CENATAC: variants seen among roughly 807,000 people sequenced by gnomAD.
CENATAC encodes the protein coiled-coil domain containing 84.
Under a neutral mutation model 53.7 loss-of-function variants are expected in CENATAC, and 53 were observed. The ratio of observed to expected loss-of-function variants is 0.99; its 90% CI spans 0.79 to 1.24. CENATAC has a LOEUF of 1.24. Among genes scored for constraint, CENATAC ranks in the 50% most tolerant of loss-of-function variants. The pLI is 0.00. For missense variants in CENATAC, 474 were observed against 417.8 expected (o/e 1.13, Z -1.17); for synonymous variants, 156 against 144.6 (o/e 1.08, Z -0.57).
chr11:119,011,242 G>A lies in CENATAC; in HGVS notation c.472G>A (p.Val158Met), dbSNP rs782128788. 29 of 1,614,028 alleles carry A rather than the reference G, an allele frequency of 1.8e-5. No individual in the cohort carries two copies. The highest frequency in any genetic ancestry group is 2.2e-5 in the Non-Finnish European group (26 of 1,179,998). The change falls in exon 5 of 11, where the codon GTG becomes ATG. Residue 158 changes from valine to methionine, a missense_variant. Val to Met is a conservative substitution (Grantham distance 21, BLOSUM62 1). Coordinates refer to ENST00000334418, the MANE Select transcript of CENATAC (RefSeq NM_198489.3). ...ACAGATGGCAGCTCAGATCCGTGAG[G>A]TGGAGCAGAGCCGACAGGAGGTGGT... Reference protein sequence around the residue: ...IKEMAAQIREVEQSRQEVVRS... With the variant: ...IKEMAAQIREMEQSRQEVVRS...
intron 2 of CENATAC, 119 bp from the exon 3 acceptor site, chr11:118,998,892 C>T: frequency 1.3e-6 from 1 of 768,216 alleles, no homozygotes; most frequent in South Asian, 1.7e-5. Context: ...CAGTGTTCCT[C>T]TCTCAGCCGT....
chr11:119,012,299 G>C (rs1942906181), intron 7 of CENATAC, 45 bp downstream of exon 7: 1 of 1,601,888 alleles, frequency 6.2e-7, no homozygotes, highest in Non-Finnish European at 8.5e-7. Flanking sequence ...GGTCCCTCAG[G>C]TCTCAGGACC....
intron 7 of CENATAC, 88 bp downstream of exon 7, chr11:119,012,342 C>G: frequency 7.0e-7 from 1 of 1,418,462 alleles, no homozygotes; most frequent in African/African-American, 1.4e-5. Flanking sequence ...ATTCAAGCCA[C>G]TGCTGCCTCC....
At position 118,998,949 on chromosome 11, in the gene CENATAC, C is replaced by T. The variant is rs1162821801; in HGVS notation, c.285-62C>T. ...GTCAGTTTGCATTACAAACCTAATG[C>T]TTAATATCTGAGTAATATTTTATAA... On this transcript the variant is annotated intron_variant, in intron 2 of 10. Coordinates refer to ENST00000334418, the MANE Select transcript of CENATAC (RefSeq NM_198489.3). The T allele has an allele frequency of 7.6e-6, 10 of 1,309,674 alleles. No homozygotes were observed. In the South Asian group the frequency reaches 8.4e-5, roughly 11 times the overall value. 81.1% of individuals were successfully genotyped at this position (1,309,674 alleles called of 1,614,324 possible).
intron 10 of CENATAC, 44 bp from the exon 11 acceptor site, chr11:119,015,494 G>T: frequency 6.2e-7 from 1 of 1,613,916 alleles, no homozygotes. Context: ...CCTTTTTGGA[G>T]ATGTCACCCT....
Position 119,015,538 on chromosome 11 carries a change from A to G in CENATAC, c.939A>G (p.Arg313=). 1 of 1,614,126 alleles carries G rather than the reference A, an allele frequency of 6.2e-7. No homozygotes were observed. The highest frequency in any genetic ancestry group is 8.5e-7 in the Non-Finnish European group (1 of 1,180,018). ...VWNNGRRWQS[R]HQFKTEAAAM... ...GTGTTAACCCTTTATTTCCTTTCAG[A>G]CATCAATTCAAAACTGAAGCTGCAG... Residue 313 remains arginine, a splice_region_variant and synonymous_variant, in exon 11 of 11, where the codon AGA becomes AGG. Transcript: ENST00000334418.
At chr11:119,012,392 G>C in intron 7 of CENATAC, 138 bp downstream of exon 7, 1 of 919,862 alleles carries the variant, frequency 1.1e-6, no homozygotes, top group Non-Finnish European at 1.6e-6. Context: ...TTCCCTAGTA[G>C]TGTTCTCAGA....
In CENATAC at chr11:118,998,944, T is replaced by C. The variant is rs1942151463; in HGVS notation, c.285-67T>C. On this transcript the variant is annotated intron_variant, in intron 2 of 10. Coordinates refer to ENST00000334418, the MANE Select transcript of CENATAC (RefSeq NM_198489.3). Reference sequence around the variant, plus strand: ...CAGATGTCAGTTTGCATTACAAACCTAATGCTTAATATCTGAGTAATATTT... The same window carrying C: ...CAGATGTCAGTTTGCATTACAAACCCAATGCTTAATATCTGAGTAATATTT... 3 of 1,267,516 alleles carry C rather than the reference T, an allele frequency of 2.4e-6. No individual in the cohort carries two copies. In the African/African-American group the frequency reaches 4.4e-5, roughly 19 times the overall value. 78.5% of individuals were successfully genotyped at this position (1,267,516 alleles called of 1,614,324 possible). A position where few individuals can be genotyped will look rare whatever the true frequency, so the allele number is the denominator to read the frequency against.
At chr11:119,003,494 C>A in intron 3 of CENATAC, 1 of 416,512 alleles carries the variant, frequency 2.4e-6, no homozygotes, top group South Asian at 2.0e-5. Flanking sequence ...GATAGGGTGT[C>A]ACCATGTTGG....
chr11:119,012,556 A>G (rs781994139), intron 7 of CENATAC: 11 of 269,024 alleles, frequency 4.1e-5, no homozygotes, highest in East Asian at 1.5e-4. Context: ...CACCACTCCT[A>G]TATTTCCAAT....
intron 3 of CENATAC, among the ~76,000 whole-genome samples, chr11:119,008,680 T>C (rs1942725731): frequency 6.6e-6 from 1 of 152,092 alleles, no homozygotes; most frequent in Non-Finnish European, 1.5e-5. Flanking sequence ...CACAGACCCT[T>C]TACAGGTGTC....
intron 8 of CENATAC, 46 bp from the exon 9 acceptor site, chr11:119,014,948 C>T (rs371810810): frequency 4.0e-6 from 5 of 1,263,792 alleles, no homozygotes; most frequent in Non-Finnish European, 5.5e-6. Flanking sequence ...TTCACAATAG[C>T]CTGAAGACTT....
intron 8 of CENATAC, among the ~76,000 whole-genome samples, chr11:119,013,834 A>G (rs1293603683): frequency 6.6e-6 from 1 of 151,976 alleles, no homozygotes; most frequent in African/African-American, 2.4e-5. Flanking sequence ...TATCCAGAAT[A>G]TATGAAGAAC....
rs564551696 is a variant in CENATAC at position 119,006,075 on chromosome 11, A to ATTTTTT, written c.384-4664_384-4659dup. ...TGCCTTGGCCTTCAGAGTAGGCAGG[A>ATTTTTT]TTTTTTTTTTTTTTTTTTTTTTTTT... On this transcript the variant is annotated intron_variant, in intron 3 of 10. Coordinates refer to ENST00000334418, the MANE Select transcript of CENATAC (RefSeq NM_198489.3). The ATTTTTT allele has an allele frequency of 2.1e-3, 122 of 58,502 alleles. 16 individuals carry two copies. Among genetic ancestry groups the ATTTTTT allele is most frequent in the African/African-American group, 8.0e-3 (107 of 13,448 alleles). 3.6% of individuals were successfully genotyped at this position (58,502 alleles called of 1,614,324 possible). A position where few individuals can be genotyped will look rare whatever the true frequency, so the allele number is the denominator to read the frequency against.
At chr11:119,000,256 G>C (rs1942224566) in intron 3 of CENATAC, among the ~76,000 whole-genome samples, 1 of 152,124 alleles carries the variant, frequency 6.6e-6, no homozygotes, top group Non-Finnish European at 1.5e-5. Context: ...GCTTTAAGTT[G>C]TCATGTAATG....
At chr11:119,005,232 C>T (rs1433162100) in intron 3 of CENATAC, among the ~76,000 whole-genome samples, 1 of 152,072 alleles carries the variant, frequency 6.6e-6, no homozygotes, top group East Asian at 1.9e-4. Flanking sequence ...TTTGGGAGGC[C>T]AAGGCCAGCA....
At position 119,014,958 on chromosome 11, in the gene CENATAC, T is replaced by TTA. The variant is rs782695932; in HGVS notation, c.716-36_716-35insTA. ...CATGTTTCACAATAGCCTGAAGACTTAAAAAAAAAAAAAAAAGCCTTAATT... is the reference window on the plus strand; with the variant it reads ...CATGTTTCACAATAGCCTGAAGACTTTAAAAAAAAAAAAAAAAAGCCTTAATT... On this transcript the variant is annotated intron_variant, in intron 8 of 10. Coordinates refer to ENST00000334418, the MANE Select transcript of CENATAC (RefSeq NM_198489.3). 18 of 1,170,342 alleles carry TTA rather than the reference T, an allele frequency of 1.5e-5. No homozygotes were observed. The African/African-American group carries it at 2.9e-4, about 19-fold the overall frequency. 72.5% of individuals were successfully genotyped at this position (1,170,342 alleles called of 1,614,324 possible). A position where few individuals can be genotyped will look rare whatever the true frequency, so the allele number is the denominator to read the frequency against.
Position 118,998,238 on chromosome 11 carries a change from T to C in CENATAC, c.41T>C (p.Phe14Ser), listed in dbSNP as rs1251634838. ...AQRCPLCRQT[F>S]FCGRGHVYSR... Reference sequence around the variant, plus strand: ...CGCTGCCCTCTGTGCCGCCAGACCTTCTTCTGTGGTCGCGGGCACGTTTAC... The same window carrying C: ...CGCTGCCCTCTGTGCCGCCAGACCTCCTTCTGTGGTCGCGGGCACGTTTAC... Residue 14 changes from phenylalanine (F) to serine (S), a missense_variant, in exon 1 of 11, where the codon TTC (phenylalanine) becomes TCC (serine). Coordinates refer to ENST00000334418, the MANE Select transcript of CENATAC (RefSeq NM_198489.3). 6.3e-7 allele frequency: 1 copy of C among 1,586,576 alleles called. No individual in the cohort carries two copies. Among genetic ancestry groups the C allele is most frequent in the Non-Finnish European group, 8.6e-7 (1 of 1,166,570 alleles).
At chr11:119,012,437 TGTATTGACACTTAGGAGTGCC>T in intron 7 of CENATAC, 183 bp downstream of exon 7, 1 of 613,356 alleles carries the variant, frequency 1.6e-6, no homozygotes. Context: ...CCTATTCACA[TGTATTGACACTTAGGAGTGCC>T]AACTCCTAAA....
Sources: gnomAD v4.1 joint callset for allele counts (sites outside exome capture counted in the v4.1 genomes callset) on GRCh38, gnomAD v4.1.1 for gene constraint, MANE v1.5 for transcripts, NCBI Gene and HGNC (gene_info 2026-07-23, HGNC 2026-07-21) for gene names.